HHATL: variants seen among roughly 807,000 people sequenced by gnomAD.
HHATL encodes the protein protein-cysteine N-palmitoyltransferase HHAT-like protein.
HHATL carries 49 observed loss-of-function variants against 59.7 expected under a neutral mutation model. The observed-to-expected ratio is 0.82, with a 90% CI of 0.65 to 1.04. The LOEUF (loss-of-function observed/expected upper bound fraction) is 1.04. HHATL is among the 50% of genes least tolerant of loss of function. The pLI is 0.00. For missense variants in HHATL, 605 were observed against 650.8 expected (o/e 0.93, Z 0.77); for synonymous variants, 238 against 257.3 (o/e 0.93, Z 0.72).
In HHATL at chr3:42,697,741, G is replaced by C. The variant is rs1238348097; in HGVS notation, c.694-62C>G. The C allele has an allele frequency of 5.2e-6, 8 of 1,539,276 alleles. No homozygotes were observed. In the African/African-American group the frequency reaches 5.5e-5, roughly 11 times the overall value. On this transcript the variant is annotated intron_variant, in intron 6 of 11. Transcript: ENST00000441594. The stretch of plus-strand genomic sequence containing the variant: ...CCCTGCCTGGGGAGCCCTGTCTGAG[G>C]GGGGCTCACCAACTACTTGGGGCAG...
intron 5 of HHATL, 128 bp from the exon 6 acceptor site, chr3:42,698,479 G>A: frequency 9.9e-7 from 1 of 1,010,342 alleles, no homozygotes; most frequent in Non-Finnish European, 1.4e-6. Flanking sequence ...TCCAGAGCCA[G>A]TTAACTTTGG....
chr3:42,700,835 C>T lies in HHATL; in HGVS notation c.-9G>A. ...GCTGTCTTGATGCCCATAGCCTGGA[C>T]AGGGCTGGGGAGACAGGTTGGGTGA... On this transcript the variant is annotated 5_prime_UTR_variant, in exon 2 of 12. Coordinates refer to ENST00000441594, the MANE Select transcript of HHATL (RefSeq NM_020707.4). 1 of 1,608,512 alleles carries T rather than the reference C, an allele frequency of 6.2e-7. No individual in the cohort carries two copies.
rs148254751 is a variant in HHATL at position 42,697,078 on chromosome 3, G to A, written c.933C>T (p.Asn311=). 1.9e-3 allele frequency: 2,968 copies of A among 1,581,364 alleles called. 5 individuals are homozygous for A. The highest frequency in any genetic ancestry group is 2.4e-3 in the Non-Finnish European group (2,826 of 1,162,606). ...VKAAVLFGVV[N]TVACLDHLDP... is the part of the protein sequence containing the mutation. ...CCAGGTGGTCGAGGCATGCCACAGT[G>A]TTGACAACACCAAAGAGGACGGCCG... Residue 311 remains asparagine, a synonymous_variant, in exon 8 of 12, where the codon AAC becomes AAT. Coordinates refer to ENST00000441594, the MANE Select transcript of HHATL (RefSeq NM_020707.4).
intron 1 of HHATL, 53 bp from the exon 2 acceptor site, chr3:42,700,892 C>T: frequency 7.9e-7 from 1 of 1,272,018 alleles, no homozygotes. Context: ...AGCCTAGCCC[C>T]ACCTCATGGT....
chr3:42,693,434 T>C, intron 10 of HHATL, 183 bp downstream of exon 10: 1 of 747,836 alleles, frequency 1.3e-6, no homozygotes, highest in East Asian at 2.7e-5. Flanking sequence ...AGGTGCTCCA[T>C]TCCTCATAGA....
At chr3:42,697,365 A>C (rs943103325) in intron 7 of HHATL, 143 bp downstream of exon 7, 1 of 1,087,504 alleles carries the variant, frequency 9.2e-7, no homozygotes, top group Non-Finnish European at 1.3e-6. Flanking sequence ...CCCATGCATT[A>C]GAAAGAATAA....
At chr3:42,697,379 C>T in intron 7 of HHATL, 129 bp downstream of exon 7, 3 of 1,168,522 alleles carry the variant, frequency 2.6e-6, no homozygotes, top group Non-Finnish European at 3.7e-6. Context: ...AGAATAAGCC[C>T]CTGCTCCCAC....
At chr3:42,694,173 T>C (rs1454216231) in intron 9 of HHATL, 3 of 277,156 alleles carry the variant, frequency 1.1e-5, no homozygotes, top group Non-Finnish European at 2.1e-5. Flanking sequence ...CAGATTCCCC[T>C]ATCCCTGCTC....
At chr3:42,699,896 G>C in intron 2 of HHATL, 71 bp from the exon 3 acceptor site, 2 of 1,330,564 alleles carry the variant, frequency 1.5e-6, no homozygotes, top group Admixed American at 2.0e-5. Flanking sequence ...CGTGGACAAG[G>C]CTGCCCCACC....
Position 42,699,074 on chromosome 3 carries a change from T to G in HHATL, c.246A>C (p.Gly82=). The G allele has an allele frequency of 6.2e-7, 1 of 1,614,028 alleles. No individual in the cohort carries two copies. The highest frequency in any genetic ancestry group is 8.5e-7 in the Non-Finnish European group (1 of 1,180,022). ...TGCAGAGTTTAGCAAACAGCACATGTCCGGAGAGGGCAAAGATGATGACGT... is the reference window on the plus strand; with the variant it reads ...TGCAGAGTTTAGCAAACAGCACATGGCCGGAGAGGGCAAAGATGATGACGT... ...FRNVIIFALS[G]HVLFAKLCTM... The change falls in exon 4 of 12, where the codon GGA becomes GGC. Residue 82 remains glycine (G), a synonymous_variant. Coordinates refer to ENST00000441594, the MANE Select transcript of HHATL (RefSeq NM_020707.4).
intron 9 of HHATL, among the ~76,000 whole-genome samples, chr3:42,694,500 C>T (rs140964835): frequency 2.7e-4 from 41 of 152,342 alleles, no homozygotes; most frequent in Non-Finnish European, 4.9e-4. Context: ...TAGCTCAGGT[C>T]ACATCACTTC....
chr3:42,698,868 A>T lies in HHATL; in HGVS notation c.323T>A (p.Leu108Ter). The change falls in exon 5 of 12, where the codon TTG (leucine) becomes TAG (stop). Residue 108 changes from leucine to a stop codon, truncating the protein, a stop_gained. Transcript: ENST00000441594. LOFTEE classifies it high-confidence loss of function. ...AGGGCCCATTGTGCCCATCACAGCC[A>T]AGGCCCCGTACACAGCATACATCCA... ...RSWMYAVYGA[L>*]AVMGTMGPWY... The T allele has an allele frequency of 6.2e-7, 1 of 1,611,732 alleles. No homozygotes were observed. The highest frequency in any genetic ancestry group is 8.5e-7 in the Non-Finnish European group (1 of 1,178,800).
At position 42,698,325 on chromosome 3, in the gene HHATL, A is replaced by T; in HGVS notation, c.510T>A (p.Asp170Glu). 1 of 1,612,864 alleles carries T rather than the reference A, an allele frequency of 6.2e-7. No homozygotes were observed. Among genetic ancestry groups the T allele is most frequent in the Non-Finnish European group, 8.5e-7 (1 of 1,179,282 alleles). ...CCCCATGAAACAGCACCTCTTGAAG[A>T]TCAAAAGTGCCTGTTACAAACCCGC... Reference protein sequence around the residue: ...WQSGFVTGTFDLQEVLFHGGS... With the variant: ...WQSGFVTGTFELQEVLFHGGS... Residue 170 changes from aspartate (D) to glutamate (E), a missense_variant, in exon 6 of 12, where the codon GAT becomes GAA. Coordinates refer to ENST00000441594, the MANE Select transcript of HHATL (RefSeq NM_020707.4).
chr3:42,696,723 G>T (rs962155490), intron 9 of HHATL, 119 bp downstream of exon 9: 2 of 1,068,100 alleles, frequency 1.9e-6, no homozygotes, highest in Non-Finnish European at 2.8e-6. Flanking sequence ...CCTCCTCACT[G>T]CCCTCTTTGC....
intron 9 of HHATL, chr3:42,694,085 G>A (rs1697488418): frequency 1.9e-6 from 1 of 518,336 alleles, no homozygotes; most frequent in Non-Finnish European, 3.5e-6. Context: ...CTATGACGAT[G>A]ACCCCTAAAT....
chr3:42,695,725 G>T (rs1461749982), intron 9 of HHATL, among the ~76,000 whole-genome samples: 1 of 152,126 alleles, frequency 6.6e-6, no homozygotes, highest in African/African-American at 2.4e-5. Flanking sequence ...CCTTCAGGTG[G>T]AATCCCTTAC....
In HHATL at chr3:42,698,131, T is replaced by TGTC; in HGVS notation, c.693+8_693+10dup. On this transcript the variant is annotated intron_variant, in intron 6 of 11. Transcript: ENST00000441594. ...AGCCCTGTTCTAGAAGCCCACAGGG[T>TGTC]GTCCCCTCACCTGAGCATGGAAGCG... The TGTC allele has an allele frequency of 6.2e-7, 1 of 1,612,960 alleles. No individual in the cohort carries two copies. Among genetic ancestry groups the TGTC allele is most frequent in the South Asian group, 1.1e-5 (1 of 91,068 alleles).
intron 9 of HHATL, 31 bp downstream of exon 9, chr3:42,696,811 C>T: frequency 6.2e-7 from 1 of 1,612,170 alleles, no homozygotes; most frequent in Non-Finnish European, 8.5e-7. Flanking sequence ...GGCAGGATGG[C>T]TGTGACCACC....
Position 42,697,596 on chromosome 3 carries a change from C to T in HHATL, c.777G>A (p.Met259Ile). The T allele has an allele frequency of 6.2e-7, 1 of 1,614,160 alleles. No individual in the cohort carries two copies. The highest frequency in any genetic ancestry group is 8.5e-7 in the Non-Finnish European group (1 of 1,179,992). Reference sequence around the variant, plus strand: ...AGAAGTGAAAGAAGATGTCGACGGCCATGATGGCCACCACGCTTAGGCCTG... The same window carrying T: ...AGAAGTGAAAGAAGATGTCGACGGCTATGATGGCCACCACGCTTAGGCCTG... ...AQAGLSVVAI[M>I]AVDIFFHFFY... The change falls in exon 7 of 12, where the codon ATG becomes ATA. Residue 259 changes from methionine (M) to isoleucine (I), a missense_variant. Transcript: ENST00000441594.
Sources: gnomAD v4.1 joint callset for allele counts (sites outside exome capture counted in the v4.1 genomes callset) on GRCh38, gnomAD v4.1.1 for gene constraint, MANE v1.5 for transcripts, NCBI Gene and HGNC (gene_info 2026-07-23, HGNC 2026-07-21) for gene names.